The following COBLL1 variants were observed in gnomAD, a reference collection of about 807,000 sequenced individuals.
COBLL1 encodes cordon-bleu protein-like 1.
In COBLL1, 50 loss-of-function variants were observed where a neutral mutation model predicts 94.8. The observed-to-expected ratio is 0.53, with a 90% CI of 0.42 to 0.67. The LOEUF (loss-of-function observed/expected upper bound fraction) is 0.67. Ranked by LOEUF, COBLL1 falls within the 30% of genes least tolerant of loss-of-function variation. The pLI, the probability that COBLL1 is intolerant of heterozygous loss-of-function variation, is 0.00. For synonymous variants in COBLL1, 448 were observed against 473.8 expected (o/e 0.95, Z 0.71); for missense variants, 1,362 against 1,348.7 (o/e 1.01, Z -0.15).
At chr2:164,834,925 A>C (rs554379907) in intron 2 of COBLL1, among the ~76,000 whole-genome samples, 24 of 152,340 alleles carry the variant, frequency 1.6e-4, no homozygotes, top group African/African-American at 5.8e-4. Context: ...AACAGGAATC[A>C]AACATGCAAT....
At chr2:164,823,654 T>C (rs1034524268) in intron 2 of COBLL1, among the ~76,000 whole-genome samples, 6 of 152,208 alleles carry the variant, frequency 3.9e-5, no homozygotes, top group African/African-American at 1.4e-4. Flanking sequence ...TTCTCATAGA[T>C]GACTTCTCGT....
chr2:164,724,331 C>T (rs1227584682), intron 5 of COBLL1: 2 of 152,090 alleles, frequency 1.3e-5, no homozygotes, highest in African/African-American at 2.4e-5. Context: ...CAAAAAATCT[C>T]TCGCCAAAAT....
chr2:164,737,726 T>C (rs1284584984), intron 3 of COBLL1, among the ~76,000 whole-genome samples: 2 of 152,198 alleles, frequency 1.3e-5, no homozygotes, highest in Non-Finnish European at 2.9e-5. Context: ...CTCTCGTTTT[T>C]TCAGCAAAAA....
chr2:164,665,794 C>T (rs769195083), intron 2 of COBLL1: 1 of 152,084 alleles, frequency 6.6e-6, no homozygotes, highest in Non-Finnish European at 1.5e-5. Flanking sequence ...CCTCTTCTCA[C>T]CTCCAGCAAC....
At chr2:164,714,361 A>C (rs796643132) in intron 7 of COBLL1, among the ~76,000 whole-genome samples, 8 of 114,948 alleles carry the variant, frequency 7.0e-5, no homozygotes, top group African/African-American at 2.5e-4. Flanking sequence ...TCAATGGTAC[A>C]TCTTGGATGA....
intron 2 of COBLL1, among the ~76,000 whole-genome samples, chr2:164,809,072 T>G (rs11892976): frequency 0.011 from 1,715 of 152,254 alleles, 12 homozygotes; most frequent in Middle Eastern, 0.048. Flanking sequence ...AGCTGAAATA[T>G]TCCCATTCTT....
At chr2:164,716,014 C>T (rs1338252580) in intron 7 of COBLL1, among the ~76,000 whole-genome samples, 2 of 152,142 alleles carry the variant, frequency 1.3e-5, no homozygotes, top group African/African-American at 2.4e-5. Flanking sequence ...AAATACTTTT[C>T]CCTGACTCTT....
chr2:164,795,468 T>G (rs1489274662), intron 2 of COBLL1, among the ~76,000 whole-genome samples: 5 of 152,204 alleles, frequency 3.3e-5, no homozygotes, highest in African/African-American at 1.2e-4. Flanking sequence ...TTTATTAAAT[T>G]AACCATTGCA....
rs138180522 is a variant in COBLL1, at chr2:164,815,061, G to C, written c.41+26095C>G. 2.0e-3 allele frequency among the ~76,000 whole-genome samples: 297 copies of C among 152,260 alleles called. 3 individuals carry two copies. Among genetic ancestry groups the C allele is most frequent in the African/African-American group, 6.8e-3 (281 of 41,548 alleles). ...AATCACTAGTTTCTACTGTGAGCTGGTGAACTTGATTTGATCTTCATAGCA... is the reference window on the plus strand; with the variant it reads ...AATCACTAGTTTCTACTGTGAGCTGCTGAACTTGATTTGATCTTCATAGCA... On this transcript the variant is annotated intron_variant, in intron 2 of 13. Transcript: ENST00000652658.
chr2:164,789,244 T>C (rs1039091208), intron 2 of COBLL1, among the ~76,000 whole-genome samples: 1 of 152,090 alleles, frequency 6.6e-6, no homozygotes, highest in African/African-American at 2.4e-5. Context: ...TCATACACCC[T>C]ATTTTAATAG....
intron 2 of COBLL1, among the ~76,000 whole-genome samples, chr2:164,770,300 A>C (rs1470884857): frequency 1.3e-5 from 2 of 152,124 alleles, no homozygotes; most frequent in African/African-American, 4.8e-5. Flanking sequence ...TGCCAGATGG[A>C]AACAAAAAGA....
intron 1 of COBLL1, among the ~76,000 whole-genome samples, chr2:164,670,742 T>G (rs957255955): frequency 3.9e-5 from 6 of 152,176 alleles, no homozygotes; most frequent in Non-Finnish European, 1.5e-5. Flanking sequence ...CGAGCCTGCA[T>G]GGTGATCAGC....
chr2:164,801,816 T>C lies in COBLL1; in HGVS notation c.41+39340A>G, dbSNP rs528537705. 3.3e-5 allele frequency among the ~76,000 whole-genome samples: 5 copies of C among 152,266 alleles called. No homozygotes were observed. In the South Asian group the frequency reaches 1.0e-3, roughly 32 times the overall value. ...AGAAAGAAATCACACAAGTAAACAG[T>C]ATATTTATGTCTATTATCTGTGGAT... On this transcript the variant is annotated intron_variant, in intron 2 of 13. Transcript: ENST00000652658.
At chr2:164,726,984 A>T (rs1685750152) in intron 5 of COBLL1, 1 of 407,212 alleles carries the variant, frequency 2.5e-6, no homozygotes, top group South Asian at 1.1e-4. Context: ...AATATTTTCT[A>T]GGTTAAAATC....
rs925343107 is a variant in COBLL1, at chr2:164,841,065, G to A, written c.41+91C>T. ...TGAGTCAGGCCGCCGGCAGGGCAGC[G>A]AGTTGCCAGCCAGGTGAAACGGCCG... On this transcript the variant is annotated intron_variant, in intron 2 of 13. Coordinates refer to ENST00000652658, the MANE Select transcript of COBLL1 (RefSeq NM_001365672.2). This position sits in a 1 kb window ranked among gnomAD's most constrained non-coding sequence, Gnocchi z 5.5. 230 of 1,185,688 alleles carry A rather than the reference G, an allele frequency of 1.9e-4. 1 individual carries two copies. The highest frequency in any genetic ancestry group is 2.3e-4 in the Non-Finnish European group (217 of 947,056). The allele number at this position is 1,185,688 out of a possible 1,614,324, so 73.4% of individuals were successfully genotyped here.
chr2:164,747,197 T>A (rs185625937), intron 2 of COBLL1, among the ~76,000 whole-genome samples: 8 of 152,330 alleles, frequency 5.3e-5, no homozygotes, highest in African/African-American at 1.9e-4. Flanking sequence ...GATTTTTTTT[T>A]TAAAATTAAC....
intron 2 of COBLL1, among the ~76,000 whole-genome samples, chr2:164,822,818 C>T (rs956374636): frequency 2.0e-5 from 3 of 150,224 alleles, no homozygotes; most frequent in Admixed American, 1.3e-4. Flanking sequence ...GCCCAGGCTG[C>T]AGTGCAGTGG....
intron 2 of COBLL1, among the ~76,000 whole-genome samples, chr2:164,813,770 T>G (rs1684575413): frequency 6.6e-6 from 1 of 152,172 alleles, no homozygotes; most frequent in South Asian, 2.1e-4. Context: ...GCTGAAAATT[T>G]CAGCAAAATC....
chr2:164,761,017 T>C (rs1377586803), intron 2 of COBLL1, among the ~76,000 whole-genome samples: 1 of 152,194 alleles, frequency 6.6e-6, no homozygotes, highest in Non-Finnish European at 1.5e-5. Context: ...AAAGAAGTCC[T>C]ACCCACACAA....
Sources: gnomAD v4.1 joint callset for allele counts (sites outside exome capture counted in the v4.1 genomes callset) on GRCh38, gnomAD v4.1.1 for gene constraint, Gnocchi (gnomAD v3.1) non-coding constraint, MANE v1.5 for transcripts, NCBI Gene and HGNC (gene_info 2026-07-23, HGNC 2026-07-21) for gene names.